ATP10B: variants seen among roughly 807,000 people sequenced by gnomAD.
ATP10B encodes ATPase phospholipid transporting 10B (putative).
Under a neutral mutation model 141.2 loss-of-function variants are expected in ATP10B, and 122 were observed. That is an observed-to-expected ratio of 0.86 (90% CI 0.75 to 1.00). The LOEUF (loss-of-function observed/expected upper bound fraction) is 1.00. ATP10B is among the 50% of genes least tolerant of loss of function. The pLI is 0.00. For missense variants in ATP10B, 1,876 were observed against 1,825.3 expected, an observed-to-expected ratio of 1.03 and a Z score of -0.51; for synonymous variants, 685 against 692.0, an observed-to-expected ratio of 0.99 and a Z score of 0.16.
intron 6 of ATP10B, among the ~76,000 whole-genome samples, chr5:160,675,019 C>T (rs922282908): frequency 6.6e-5 from 10 of 152,206 alleles, no homozygotes; most frequent in African/African-American, 9.6e-5. Flanking sequence ...GGGATGCACA[C>T]AGCCCAAGGG....
At chr5:160,589,263 C>T (rs1012704815) in intron 24 of ATP10B, among the ~76,000 whole-genome samples, 19 of 152,158 alleles carry the variant, frequency 1.2e-4, no homozygotes, top group Non-Finnish European at 2.2e-4. Flanking sequence ...CTGTCCACCT[C>T]GGCCTCCCAA....
chr5:160,667,083 T>C (rs1290547607), intron 7 of ATP10B, among the ~76,000 whole-genome samples: 4 of 152,092 alleles, frequency 2.6e-5, no homozygotes, highest in Non-Finnish European at 5.9e-5. Flanking sequence ...CCGGGCGTGG[T>C]GGCCGGCACC....
At chr5:160,866,666 C>A in the ATP10B span, among the ~76,000 whole-genome samples, 4 of 152,018 alleles carry the variant, frequency 2.6e-5, no homozygotes, top group Non-Finnish European at 5.9e-5. Flanking sequence ...AAGAGCAAAA[C>A]CCTGTCTCAA....
At chr5:160,608,485 G>C (rs180845898) in intron 18 of ATP10B, among the ~76,000 whole-genome samples, 15 of 152,214 alleles carry the variant, frequency 9.9e-5, no homozygotes, top group Admixed American at 7.8e-4. Context: ...TCTAGTTCTA[G>C]ATCCTTGAGG....
At chr5:160,909,285 G>C in the ATP10B span, among the ~76,000 whole-genome samples, 4 of 152,000 alleles carry the variant, frequency 2.6e-5, no homozygotes, top group Non-Finnish European at 4.4e-5. Context: ...AGCCAATGCT[G>C]TGTGTGTGTG....
chr5:160,848,415 C>T (rs1753566627), intron 1 of ATP10B, among the ~76,000 whole-genome samples: 1 of 152,156 alleles, frequency 6.6e-6, no homozygotes, highest in South Asian at 2.1e-4. Flanking sequence ...AAGAAAATAG[C>T]ACAGCTAATA....
At chr5:160,836,793 C>A (rs1775465164) in intron 1 of ATP10B, among the ~76,000 whole-genome samples, 1 of 152,076 alleles carries the variant, frequency 6.6e-6, no homozygotes, top group Non-Finnish European at 1.5e-5. Flanking sequence ...AAAACCACTT[C>A]CTTCAAGGAG....
rs1332661956 is a variant in ATP10B, at chr5:160,644,128, AGACAATGACCTGCATAGAT to A, written c.859_868+9del. The stretch of plus-strand genomic sequence containing the variant: ...AAAATTCAGACAAAAGAAACTACCC[AGACAATGACCTGCATAGAT>A]GACAATGCCAACAGCCATCTCGGTG... On this transcript the variant is annotated splice_donor_variant and splice_donor_5th_base_variant and coding_sequence_variant and intron_variant, in exon 9 of 26. Coordinates refer to ENST00000327245, the MANE Select transcript of ATP10B (RefSeq NM_025153.3). LOFTEE classifies it high-confidence loss of function. 6.2e-7 allele frequency: 1 copy of A among 1,611,434 alleles called. No homozygotes were observed. Among genetic ancestry groups the A allele is most frequent in the South Asian group, 1.1e-5 (1 of 91,030 alleles).
Position 160,840,312 on chromosome 5 carries a change from T to G in ATP10B, c.-576+11629A>C, listed in dbSNP as rs76164106. On this transcript the variant is annotated intron_variant, in intron 1 of 25. Transcript: ENST00000327245. ...GAAAAACAGTCACTAGGAAGAGCTA[T>G]GAAGGGGGTATAGTCCTATTAACAC... 9.8e-4 allele frequency among the ~76,000 whole-genome samples: 149 copies of G among 152,050 alleles called. 2 individuals are homozygous for G. The East Asian group carries it at 0.027, about 27-fold the overall frequency.
chr5:160,686,187 G>T lies in ATP10B; in HGVS notation c.362C>A (p.Pro121Gln). The T allele has an allele frequency of 6.2e-7, 1 of 1,612,982 alleles. No homozygotes were observed. The highest frequency in any genetic ancestry group is 8.5e-7 in the Non-Finnish European group (1 of 1,179,268). ...GATGACGAACAGGACAATGGCCAAT[G>T]GTAACATGGTGATTTCTCTGTGGAA... ...EVFHREITML[P>Q]LAIVLFVIMI... Residue 121 changes from proline (P) to glutamine (Q), a missense_variant, in exon 6 of 26, where the codon CCA (proline) becomes CAA (glutamine). Physicochemically the swap from Pro to Gln is moderately conservative, Grantham distance 76. Transcript: ENST00000327245.
intron 6 of ATP10B, among the ~76,000 whole-genome samples, chr5:160,671,969 C>CTT (rs70990741): frequency 0.52 from 35,309 of 68,464 alleles, 10,494 homozygotes; most frequent in Non-Finnish European, 0.58. Context: ...GCAATGCATC[C>CTT]TTTTTTTTTT....
rs1754407037 is a variant in ATP10B, at chr5:160,564,135, C to T, written c.*1318G>A. 1 of 152,158 alleles carries T rather than the reference C, an allele frequency of 6.6e-6. No individual in the cohort carries two copies. Among genetic ancestry groups the T allele is most frequent in the Admixed American group, 6.5e-5 (1 of 15,270 alleles). The allele number at this position is 152,158 out of a possible 1,614,324, so 9.4% of individuals were successfully genotyped here. A position where few individuals can be genotyped will look rare whatever the true frequency, so the allele number is the denominator to read the frequency against. ...CATGACTCGTAGGCTCAAAGACTCACCACACTTATTGCATCTATTTCTGTA... is the reference window on the plus strand; with the variant it reads ...CATGACTCGTAGGCTCAAAGACTCATCACACTTATTGCATCTATTTCTGTA... On this transcript the variant is annotated 3_prime_UTR_variant, in exon 26 of 26. Coordinates refer to ENST00000327245, the MANE Select transcript of ATP10B (RefSeq NM_025153.3).
At chr5:160,810,361 TA>T (rs1002355619) in intron 1 of ATP10B, among the ~76,000 whole-genome samples, 19 of 151,990 alleles carry the variant, frequency 1.3e-4, no homozygotes, top group African/African-American at 4.6e-4. Context: ...TTTAAAGTTT[TA>T]AAAATATTCC....
At chr5:160,726,327 C>A (rs370338991) in intron 2 of ATP10B, among the ~76,000 whole-genome samples, 117 of 152,260 alleles carry the variant, frequency 7.7e-4, no homozygotes, top group African/African-American at 2.2e-3. Context: ...TATTGTATAA[C>A]CAAGGTGAAA....
intron 2 of ATP10B, among the ~76,000 whole-genome samples, chr5:160,760,567 A>G (rs901120210): frequency 4.6e-5 from 7 of 152,198 alleles, no homozygotes; most frequent in Admixed American, 3.9e-4. Context: ...TAAAAGAAAA[A>G]CAAAATAAAA....
chr5:160,856,202 G>T (rs1032333582), upstream of ATP10B, among the ~76,000 whole-genome samples: 1 of 151,792 alleles, frequency 6.6e-6, no homozygotes, highest in Non-Finnish European at 1.5e-5. Context: ...CCAATCAATG[G>T]ACATAGTGTG....
chr5:160,643,785 G>C (rs922812823), intron 9 of ATP10B, among the ~76,000 whole-genome samples: 2 of 152,174 alleles, frequency 1.3e-5, no homozygotes, highest in African/African-American at 2.4e-5. Context: ...TGAGGAAATT[G>C]AGGCTCCAAA....
chr5:160,659,052 T>C (rs914200910), intron 7 of ATP10B, among the ~76,000 whole-genome samples: 1 of 152,208 alleles, frequency 6.6e-6, no homozygotes, highest in Non-Finnish European at 1.5e-5. Flanking sequence ...TGAAGGCCAA[T>C]ACTAAAATGT....
chr5:160,924,366 T>C, the ATP10B span, among the ~76,000 whole-genome samples: 4 of 152,210 alleles, frequency 2.6e-5, no homozygotes, highest in Non-Finnish European at 5.9e-5. Context: ...TCCTCTTCCT[T>C]AAAATAATGA....
Sources: allele counts gnomAD v4.1 joint callset (sites outside exome capture counted in the v4.1 genomes callset), GRCh38; gene constraint gnomAD v4.1.1; transcripts MANE v1.5; gene names NCBI Gene and HGNC (gene_info 2026-07-23, HGNC 2026-07-21).